The following PAK2 variants were observed in gnomAD, a reference collection of about 807,000 sequenced individuals.
PAK2 encodes the protein p21 (RAC1) activated kinase 2.
A neutral mutation model predicts 65.9 loss-of-function variants in PAK2; 21 were observed. The observed-to-expected ratio is 0.32, with a 90% CI of 0.23 to 0.46. PAK2 has a LOEUF of 0.46. Ranked by LOEUF, PAK2 falls within the 20% of genes least tolerant of loss-of-function variation. PAK2 has a pLI of 1.00. For missense variants in PAK2, 324 were observed against 642.6 expected (o/e 0.50, Z 5.36); for synonymous variants, 204 against 219.7 (o/e 0.93, Z 0.63).
chr3:196,810,822 T>TA (rs1221571606), intron 8 of PAK2, among the ~76,000 whole-genome samples, 169 bp downstream of exon 8: 1 of 152,102 alleles, frequency 6.6e-6, no homozygotes, highest in Non-Finnish European at 1.5e-5. Flanking sequence ...TAGATGCTGT[T>TA]AAAAAACTGT....
At chr3:196,808,765 G>T (rs1003588237) in intron 7 of PAK2, among the ~76,000 whole-genome samples, 3 of 151,576 alleles carry the variant, frequency 2.0e-5, no homozygotes, top group Non-Finnish European at 4.4e-5. Context: ...GGGAGCTAAG[G>T]CAGGAGAATC....
intron 1 of PAK2, among the ~76,000 whole-genome samples, chr3:196,747,585 T>C (rs1291445044): frequency 1.3e-5 from 2 of 152,200 alleles, no homozygotes; most frequent in Non-Finnish European, 2.9e-5. Flanking sequence ...GTGTTTCTTG[T>C]GACTTAAAAC....
intron 2 of PAK2, chr3:196,785,081 G>A (rs768612508): frequency 6.6e-6 from 1 of 152,186 alleles, no homozygotes; most frequent in Admixed American, 6.5e-5. Context: ...CTGCTGAAGC[G>A]AGCACTGTTT....
chr3:196,747,349 A>G (rs912938594), intron 1 of PAK2: 4 of 152,184 alleles, frequency 2.6e-5, no homozygotes, highest in African/African-American at 7.2e-5. Flanking sequence ...TCTTTTAATA[A>G]TAAAAACCTT....
chr3:196,825,502 G>C lies in PAK2; in HGVS notation c.1351-1694G>C, dbSNP rs867959522. ...ACTGAAAATACAAAAAATTAGCCGG[G>C]CATTTTGGCGGGCGCCTATAATCCC... On this transcript the variant is annotated intron_variant, in intron 13 of 14. Transcript: ENST00000327134. 1.4e-4 allele frequency among the ~76,000 whole-genome samples: 21 copies of C among 151,986 alleles called. 1 individual carries two copies. The highest frequency in any genetic ancestry group is 4.3e-4 in the African/African-American group (18 of 41,424).
At chr3:196,818,555 C>T (rs894036534) in intron 12 of PAK2, among the ~76,000 whole-genome samples, 6 of 152,044 alleles carry the variant, frequency 3.9e-5, no homozygotes, top group Admixed American at 1.3e-4. Flanking sequence ...TTAGTAAAGA[C>T]GGGGTTTCTC....
intron 1 of PAK2, among the ~76,000 whole-genome samples, chr3:196,749,988 T>C (rs1409562413): frequency 5.4e-5 from 6 of 110,744 alleles, no homozygotes; most frequent in Admixed American, 5.0e-4. Context: ...CCTGGCTATT[T>C]CTTTTTTTTT....
At chr3:196,770,293 T>C (rs1714320540) in intron 1 of PAK2, among the ~76,000 whole-genome samples, 1 of 152,000 alleles carries the variant, frequency 6.6e-6, no homozygotes, top group Admixed American at 6.6e-5. Flanking sequence ...TGTCCTTTTG[T>C]GTTTGGCTTA....
intron 1 of PAK2, among the ~76,000 whole-genome samples, chr3:196,766,117 G>A (rs1479561000): frequency 6.6e-6 from 1 of 151,818 alleles, no homozygotes; most frequent in Non-Finnish European, 1.5e-5. Context: ...GGTTGGTCTC[G>A]AACTCCTGAT....
intron 2 of PAK2, among the ~76,000 whole-genome samples, chr3:196,798,783 G>A (rs562876588): frequency 2.0e-5 from 3 of 152,296 alleles, no homozygotes; most frequent in African/African-American, 7.2e-5. Flanking sequence ...ACAATAGAAA[G>A]GATGAGCCAT....
intron 2 of PAK2, among the ~76,000 whole-genome samples, chr3:196,795,287 C>G (rs74871096): frequency 7.7e-6 from 1 of 129,048 alleles, no homozygotes; most frequent in Non-Finnish European, 1.7e-5. Flanking sequence ...AAAATCCCAT[C>G]TCTACAAAAA....
In PAK2 at chr3:196,827,438, C is replaced by T. The variant is rs533849419; in HGVS notation, c.1488+105C>T. 6.7e-5 allele frequency: 102 copies of T among 1,515,702 alleles called. 1 individual carries two copies. The South Asian group carries it at 1.3e-3, about 19-fold the overall frequency. The allele number at this position is 1,515,702 out of a possible 1,614,324, so 93.9% of individuals were successfully genotyped here. A position where few individuals can be genotyped will look rare whatever the true frequency, so the allele number is the denominator to read the frequency against. Reference sequence around the variant, plus strand: ...GTAGATTTCACTACTCATTGATCACCAGCGGTATGGCAGCTGCTGCAATTT... The same window carrying T: ...GTAGATTTCACTACTCATTGATCACTAGCGGTATGGCAGCTGCTGCAATTT... On this transcript the variant is annotated intron_variant, in intron 14 of 14. Transcript: ENST00000327134.
In PAK2 at chr3:196,832,574, G is replaced by T. The variant is rs1351332505; in HGVS notation, c.*4169G>T. ...TTTAATGTCTTTTGATAGCATAAAA[G>T]AATATTTAAATGTCTTAATAGGTTT... On this transcript the variant is annotated 3_prime_UTR_variant, in exon 15 of 15. Transcript: ENST00000327134. 1 of 151,916 alleles carries T rather than the reference G, an allele frequency of 6.6e-6. No homozygotes were observed. The highest frequency in any genetic ancestry group is 1.5e-5 in the Non-Finnish European group (1 of 68,000). 9.4% of individuals were successfully genotyped at this position (151,916 alleles called of 1,614,324 possible). A position where few individuals can be genotyped will look rare whatever the true frequency, so the allele number is the denominator to read the frequency against.
rs371064143 is a variant in PAK2 at position 196,748,345 on chromosome 3, C to T, written c.-22+8188C>T. 1.1e-4 allele frequency among the ~76,000 whole-genome samples: 16 copies of T among 152,190 alleles called. No homozygotes were observed. The East Asian group carries it at 2.5e-3, about 24-fold the overall frequency. On this transcript the variant is annotated intron_variant, in intron 1 of 14. Coordinates refer to ENST00000327134, the MANE Select transcript of PAK2 (RefSeq NM_002577.4). The stretch of plus-strand genomic sequence containing the variant: ...CCAGCATTCACACATCATCACTGCC[C>T]AAAGCCCACAGTTTACGTTAGGGTT...
chr3:196,818,328 A>G (rs1452613207), intron 12 of PAK2, among the ~76,000 whole-genome samples, 172 bp downstream of exon 12: 1 of 152,190 alleles, frequency 6.6e-6, no homozygotes, highest in Non-Finnish European at 1.5e-5. Flanking sequence ...GTGCCAGAGA[A>G]AGGACTCGCT....
At chr3:196,775,566 AG>A (rs1387926079) in intron 1 of PAK2, among the ~76,000 whole-genome samples, 2 of 152,028 alleles carry the variant, frequency 1.3e-5, no homozygotes, top group Admixed American at 1.3e-4. Context: ...TATTTTTAGT[AG>A]AGACGGGGTT....
Position 196,782,641 on chromosome 3 carries a change from T to G in PAK2, c.-6T>G. On this transcript the variant is annotated 5_prime_UTR_variant, in exon 2 of 15. Transcript: ENST00000327134. ...CCAATTCCAGGCCATTTCATAATTC[T>G]GAATCATGTCTGATAACGGAGAACT... 6.4e-7 allele frequency: 1 copy of G among 1,562,798 alleles called. No homozygotes were observed. The highest frequency in any genetic ancestry group is 8.7e-7 in the Non-Finnish European group (1 of 1,148,428).
chr3:196,785,182 A>T (rs1459951036), intron 2 of PAK2: 1 of 152,236 alleles, frequency 6.6e-6, no homozygotes, highest in African/African-American at 2.4e-5. Context: ...ATAGTGGACG[A>T]CACTAAATGC....
At chr3:196,803,314 C>G in intron 4 of PAK2, 150 bp downstream of exon 4, 1 of 547,484 alleles carries the variant, frequency 1.8e-6, no homozygotes, top group Non-Finnish European at 3.0e-6. Context: ...TAGACTGATC[C>G]AGGGCAGTTC....
Sources: gnomAD v4.1 joint callset for allele counts (sites outside exome capture counted in the v4.1 genomes callset) on GRCh38, gnomAD v4.1.1 for gene constraint, MANE v1.5 for transcripts, NCBI Gene and HGNC (gene_info 2026-07-23, HGNC 2026-07-21) for gene names.